The following MSRB3 variants were observed in gnomAD, a reference collection of about 807,000 sequenced individuals.
The protein encoded by MSRB3 is methionine sulfoxide reductase B3.
MSRB3 carries 13 observed loss-of-function variants against 21.0 expected under a neutral mutation model. The observed-to-expected ratio is 0.62, with a 90% confidence interval of 0.40 to 0.98. MSRB3 has a LOEUF of 0.98. Among genes scored for constraint, MSRB3 ranks in the 50% least tolerant of loss-of-function variants. MSRB3 has a pLI of 0.00. For synonymous variants in MSRB3, 87 were observed against 88.6 expected (o/e 0.98, Z 0.10); for missense variants, 199 against 230.3 (o/e 0.86, Z 0.88).
At chr12:65,282,475 G>T (rs577510373) in intron 1 of MSRB3, among the ~76,000 whole-genome samples, 1 of 152,170 alleles carries the variant, frequency 6.6e-6, no homozygotes, top group South Asian at 2.1e-4. Context: ...CTTTATGAAA[G>T]ATTTTGGTTA....
At chr12:65,346,227 C>T (rs1429259417) in intron 4 of MSRB3, among the ~76,000 whole-genome samples, 46 of 152,156 alleles carry the variant, frequency 3.0e-4, no homozygotes, top group African/African-American at 9.9e-4. Context: ...CCTATTTCTC[C>T]ACATCCTCTC....
intron 5 of MSRB3, among the ~76,000 whole-genome samples, chr12:65,369,242 A>G (rs1287526965): frequency 6.6e-6 from 1 of 152,092 alleles, no homozygotes; most frequent in Non-Finnish European, 1.5e-5. Context: ...TAAGCATTAC[A>G]TGACCTATAT....
Position 65,463,395 on chromosome 12 carries a change from A to G in MSRB3, c.*73A>G. 6.5e-7 allele frequency: 1 copy of G among 1,535,386 alleles called. No individual in the cohort carries two copies. The highest frequency in any genetic ancestry group is 8.8e-7 in the Non-Finnish European group (1 of 1,131,398). On this transcript the variant is annotated 3_prime_UTR_variant, in exon 7 of 7. Coordinates refer to ENST00000308259, the MANE Select transcript of MSRB3 (RefSeq NM_001031679.3). ...TAAAAAAATCAAAATTGTTATCTTA[A>G]TAGATATATTTTTTCAAAAACTATA...
At chr12:65,291,801 T>C (rs1281432567) in intron 1 of MSRB3, among the ~76,000 whole-genome samples, 1 of 152,144 alleles carries the variant, frequency 6.6e-6, no homozygotes, top group Non-Finnish European at 1.5e-5. Context: ...AAGACCAGAT[T>C]ATATGGGGCT....
rs1883556225 is a variant in MSRB3, at chr12:65,466,020, CAAG to C, written c.*2699_*2701del. The C allele has an allele frequency of 6.6e-6, 1 of 152,114 alleles. No homozygotes were observed. The highest frequency in any genetic ancestry group is 1.5e-5 in the Non-Finnish European group (1 of 68,038). The allele number at this position is 152,114 out of a possible 1,614,324, so 9.4% of individuals were successfully genotyped here. On this transcript the variant is annotated 3_prime_UTR_variant, in exon 7 of 7. Transcript: ENST00000308259. ...ACGCGGGCCACAGTGTTGAGGTAGACAAGGAGGATCAGTGAGAGGCCTCTTCCC... is the reference window on the plus strand; with the variant it reads ...ACGCGGGCCACAGTGTTGAGGTAGACGAGGATCAGTGAGAGGCCTCTTCCC...
intron 5 of MSRB3, among the ~76,000 whole-genome samples, chr12:65,371,108 G>A (rs1032077275): frequency 3.3e-5 from 5 of 151,940 alleles, no homozygotes; most frequent in Middle Eastern, 3.2e-3. Flanking sequence ...CAGGCAGATC[G>A]CAAGGTCAGG....
At chr12:65,430,426 G>A (rs989126460) in intron 5 of MSRB3, among the ~76,000 whole-genome samples, 1 of 152,156 alleles carries the variant, frequency 6.6e-6, no homozygotes, top group Admixed American at 6.6e-5. Context: ...AGATTAAACA[G>A]AGGGCTTTCA....
chr12:65,371,992 G>A (rs146452060), intron 5 of MSRB3, among the ~76,000 whole-genome samples: 19 of 152,166 alleles, frequency 1.2e-4, no homozygotes, highest in African/African-American at 4.6e-4. Flanking sequence ...TGTTACTTTT[G>A]TTAATTATTT....
At chr12:65,289,342 A>G (rs1321611652) in intron 1 of MSRB3, among the ~76,000 whole-genome samples, 2 of 152,126 alleles carry the variant, frequency 1.3e-5, no homozygotes, top group African/African-American at 2.4e-5. Flanking sequence ...TAAAAATACA[A>G]AAGTTAGCCG....
intron 4 of MSRB3, among the ~76,000 whole-genome samples, chr12:65,338,170 C>T (rs1255842344): frequency 1.3e-5 from 2 of 152,090 alleles, no homozygotes; most frequent in African/African-American, 2.4e-5. Context: ...TTATTAATTC[C>T]CTGCCATGTT....
intron 5 of MSRB3, among the ~76,000 whole-genome samples, chr12:65,371,614 C>G (rs2136538904): frequency 6.6e-6 from 1 of 151,896 alleles, no homozygotes; most frequent in East Asian, 2.0e-4. Flanking sequence ...CACACCCACA[C>G]CCCCACCACA....
At chr12:65,374,275 C>T (rs184538735) in intron 5 of MSRB3, among the ~76,000 whole-genome samples, 1 of 152,174 alleles carries the variant, frequency 6.6e-6, no homozygotes, top group African/African-American at 2.4e-5. Context: ...CATCATTTAT[C>T]AGCAGAAATA....
chr12:65,361,921 AAATT>A (rs1419725034), intron 4 of MSRB3, among the ~76,000 whole-genome samples: 1 of 152,158 alleles, frequency 6.6e-6, no homozygotes, highest in Non-Finnish European at 1.5e-5. Flanking sequence ...GTTTTTTAAA[AAATT>A]AACCGTAAAA....
chr12:65,438,266 A>G (rs1313436792), intron 5 of MSRB3, among the ~76,000 whole-genome samples: 1 of 151,906 alleles, frequency 6.6e-6, no homozygotes, highest in Non-Finnish European at 1.5e-5. Context: ...TGAGACCAAA[A>G]TTTGTTGCCT....
intron 1 of MSRB3, among the ~76,000 whole-genome samples, chr12:65,307,570 A>G (rs1285670763): frequency 6.6e-6 from 1 of 152,172 alleles, no homozygotes; most frequent in East Asian, 1.9e-4. Context: ...GAAACAACAT[A>G]TATGAAGTTT....
chr12:65,332,294 T>G (rs771411481), intron 4 of MSRB3, among the ~76,000 whole-genome samples: 4 of 137,602 alleles, frequency 2.9e-5, no homozygotes, highest in South Asian at 2.1e-4. Flanking sequence ...ACAATTGAGG[T>G]GTGTGTGTGT....
At chr12:65,279,073 T>A in intron 1 of MSRB3, 1 of 1,410,852 alleles carries the variant, frequency 7.1e-7, no homozygotes, top group Non-Finnish European at 9.2e-7. Flanking sequence ...CGGAAGGAGG[T>A]CAGGGCTGGT....
intron 5 of MSRB3, among the ~76,000 whole-genome samples, chr12:65,397,233 A>C (rs1275878866): frequency 6.6e-6 from 1 of 151,948 alleles, no homozygotes; most frequent in Non-Finnish European, 1.5e-5. Context: ...CATTCCTTTC[A>C]TTTTTATCTG....
chr12:65,313,049 A>G (rs1327995991), intron 2 of MSRB3, among the ~76,000 whole-genome samples: 1 of 152,130 alleles, frequency 6.6e-6, no homozygotes, highest in Non-Finnish European at 1.5e-5. Flanking sequence ...AAAAGTGGCA[A>G]CAGATTCAAT....
Sources: gnomAD v4.1 joint callset for allele counts (sites outside exome capture counted in the v4.1 genomes callset) on GRCh38, gnomAD v4.1.1 for gene constraint, MANE v1.5 for transcripts, NCBI Gene and HGNC (gene_info 2026-07-23, HGNC 2026-07-21) for gene names.